The following MYH16 variants were observed in gnomAD, a reference collection of about 807,000 sequenced individuals.
MYH16 encodes the protein putative uncharacterized protein MYH16.
At chr7:99,285,207 G>A (rs1281376144) in intron 26 of MYH16, among the ~76,000 whole-genome samples, 175 bp from the exon 9 acceptor site, 1 of 152,160 alleles carries the variant, frequency 6.6e-6, no homozygotes, top group Non-Finnish European at 1.5e-5. Flanking sequence ...CACATGCCAG[G>A]CCCCCTCCTG....
At chr7:99,257,650 AT>A (rs1364885892) in intron 10 of MYH16, among the ~76,000 whole-genome samples, 5 of 152,192 alleles carry the variant, frequency 3.3e-5, no homozygotes, top group African/African-American at 9.6e-5. Context: ...ATTTGTATTT[AT>A]TTTTTGAGAC....
intron 32 of MYH16, among the ~76,000 whole-genome samples, chr7:99,293,059 T>C (rs1184937111): frequency 1.3e-5 from 2 of 151,964 alleles, no homozygotes; most frequent in Non-Finnish European, 2.9e-5. Flanking sequence ...GAGGCTGGCC[T>C]GGGTGTCCCT....
chr7:99,281,354 T>G (rs115342028), intron 23 of MYH16, among the ~76,000 whole-genome samples: 2,804 of 151,388 alleles, frequency 0.019, 72 homozygotes, highest in African/African-American at 0.064. Flanking sequence ...TTTAGGAGTT[T>G]GAGACCAGCC....
At chr7:99,275,974 C>T (rs182013348) in intron 20 of MYH16, among the ~76,000 whole-genome samples, 58 of 152,228 alleles carry the variant, frequency 3.8e-4, no homozygotes, top group African/African-American at 1.0e-3. Flanking sequence ...GTGATCTGCC[C>T]GCCTTGGCCT....
At chr7:99,271,545 C>T (rs1562778627) in intron 19 of MYH16, among the ~76,000 whole-genome samples, 1 of 150,542 alleles carries the variant, frequency 6.6e-6, no homozygotes, top group Non-Finnish European at 1.5e-5. Context: ...TCAGAGCTGC[C>T]GCAACCAAGT....
At chr7:99,242,953 C>G (rs1225417268) in intron 1 of MYH16, among the ~76,000 whole-genome samples, 1 of 152,196 alleles carries the variant, frequency 6.6e-6, no homozygotes, top group East Asian at 1.9e-4. Flanking sequence ...AAGCAGAGCC[C>G]AGAGGTCTCT....
chr7:99,267,482 G>T (rs146534898), intron 18 of MYH16, among the ~76,000 whole-genome samples: 1 of 152,036 alleles, frequency 6.6e-6, no homozygotes, highest in East Asian at 1.9e-4. Context: ...CACCTGCCTC[G>T]GCCTCCCAAA....
intron 1 of MYH16, among the ~76,000 whole-genome samples, chr7:99,240,094 C>T (rs1791649586): frequency 6.6e-6 from 1 of 150,614 alleles, no homozygotes; most frequent in South Asian, 2.1e-4. Context: ...GGCAGGGTCT[C>T]TTGTATTCTT....
At chr7:99,260,637 T>C in intron 12 of MYH16, 1 of 221,124 alleles carries the variant, frequency 4.5e-6, no homozygotes, top group South Asian at 7.4e-5. Context: ...GATGGGAACA[T>C]TGAGGCACAG....
At chr7:99,282,829 C>CA (rs59018303) in intron 23 of MYH16, among the ~76,000 whole-genome samples, 47,647 of 140,266 alleles carry the variant, frequency 0.34, 12,798 homozygotes, top group African/African-American at 0.74. Flanking sequence ...GATCCTATCT[C>CA]AAAAAAAAAA....
intron 33 of MYH16, among the ~76,000 whole-genome samples, chr7:99,296,256 G>A (rs575265812): frequency 3.3e-5 from 5 of 151,622 alleles, no homozygotes; most frequent in Admixed American, 6.6e-5. Flanking sequence ...ACAGCAAATA[G>A]TTGCCAGGGA....
intron 33 of MYH16, among the ~76,000 whole-genome samples, chr7:99,296,148 T>TAA (rs60180969): frequency 0.013 from 1,206 of 91,296 alleles, 16 homozygotes; most frequent in African/African-American, 0.045. Flanking sequence ...CATCTCAATT[T>TAA]AAAAAAAAAA....
downstream of MYH16, chr7:99,306,901 G>A (rs1226053743): frequency 2.6e-5 from 4 of 152,462 alleles, no homozygotes; most frequent in African/African-American, 7.2e-5. Context: ...TGGCTTTGCT[G>A]CTAGTATTGG....
At chr7:99,258,987 A>G (rs1791906028) in intron 11 of MYH16, among the ~76,000 whole-genome samples, 1 of 152,170 alleles carries the variant, frequency 6.6e-6, no homozygotes. Flanking sequence ...AAGCGGGCAC[A>G]TCTTACATGG....
intron 18 of MYH16, among the ~76,000 whole-genome samples, chr7:99,269,921 T>G (rs1792028271): frequency 6.8e-6 from 1 of 147,590 alleles, no homozygotes; most frequent in Admixed American, 6.9e-5. Flanking sequence ...TTACCCAGGC[T>G]GGAGTGCAGT....
intron 39 of MYH16, among the ~76,000 whole-genome samples, chr7:99,303,760 C>T (rs1792641424): frequency 6.6e-6 from 1 of 152,172 alleles, no homozygotes; most frequent in Non-Finnish European, 1.5e-5. Flanking sequence ...CATGATCCCG[C>T]CACTGCACTG....
At chr7:99,241,860 T>TG (rs1181674028) in intron 1 of MYH16, among the ~76,000 whole-genome samples, 2 of 16,020 alleles carry the variant, frequency 1.2e-4, no homozygotes, top group Non-Finnish European at 1.7e-3. Context: ...CTGGCACTAG[T>TG]TTTTTTTTTT....
In MYH16 at chr7:99,288,181, T is replaced by TA. The variant is rs1179666270; in HGVS notation, n.3706+46dup. The TA allele has an allele frequency of 6.7e-6, 3 of 450,686 alleles. No individual in the cohort carries two copies. In the East Asian group the frequency reaches 2.1e-4, roughly 32 times the overall value. The allele number at this position is 450,686 out of a possible 1,614,324, so 27.9% of individuals were successfully genotyped here. A position where few individuals can be genotyped will look rare whatever the true frequency, so the allele number is the denominator to read the frequency against. ...GGCCGGACGCAGTGGCTCACTCCTGTAATCCCAGCACTTTGGGAGGCTGAG... is the reference window on the plus strand; with the variant it reads ...GGCCGGACGCAGTGGCTCACTCCTGTAAATCCCAGCACTTTGGGAGGCTGAG... On this transcript the variant is annotated intron_variant and non_coding_transcript_variant, in intron 29 of 41. Transcript: ENST00000439784.
intron 29 of MYH16, among the ~76,000 whole-genome samples, chr7:99,288,605 T>C (rs2150825756): frequency 7.0e-6 from 1 of 143,610 alleles, no homozygotes; most frequent in East Asian, 2.1e-4. Context: ...CAAAAATTGC[T>C]TGAACCTGGG....
Sources: gnomAD v4.1 joint callset for allele counts (sites outside exome capture counted in the v4.1 genomes callset) on GRCh38, gnomAD v4.1.1 for gene constraint, MANE v1.5 for transcripts, NCBI Gene and HGNC (gene_info 2026-07-23, HGNC 2026-07-21) for gene names.